Variants in EIF3A observed in about 807,000 individuals in gnomAD.
EIF3A encodes EIF3, p180 subunit.
EIF3A carries 21 observed loss-of-function variants against 186.6 expected under a neutral mutation model. That is an observed-to-expected ratio of 0.11 (90% CI 0.08 to 0.16). EIF3A has a LOEUF of 0.16. EIF3A is among the 10% of genes least tolerant of loss of function. The pLI is 1.00. For missense variants in EIF3A, 1,306 were observed against 1,796.3 expected (o/e 0.73, Z 4.93); for synonymous variants, 563 against 584.3 (o/e 0.96, Z 0.52).
At chr10:119,065,711 T>G in intron 6 of EIF3A, 141 bp from the exon 7 acceptor site, 2 of 602,066 alleles carry the variant, frequency 3.3e-6, no homozygotes, top group Non-Finnish European at 5.9e-6. Context: ...TCATAAATAT[T>G]ATTCCATCAA....
At chr10:119,078,865 G>A (rs1388158896) in intron 1 of EIF3A, among the ~76,000 whole-genome samples, 1 of 152,052 alleles carries the variant, frequency 6.6e-6, no homozygotes, top group East Asian at 1.9e-4. Context: ...GTTCCAAAAA[G>A]AGAAGCGATA....
Position 119,037,222 on chromosome 10 carries a change from G to C in EIF3A, c.3816C>G (p.Asp1272Glu). The C allele has an allele frequency of 1.9e-6, 3 of 1,613,964 alleles. No individual in the cohort carries two copies. Among genetic ancestry groups the C allele is most frequent in the Non-Finnish European group, 1.7e-6 (2 of 1,179,992 alleles). ...SSRRDDRDRD[D>E]RRRERDDRRD... The stretch of plus-strand genomic sequence containing the variant: ...GCCGGTCATCCCTCTCACGGCGACG[G>C]TCATCCCTATCCCTATCGTCCCGGC... Residue 1272 changes from aspartate (D) to glutamate (E), a missense_variant, in exon 21 of 22, where the codon GAC becomes GAG. Around this residue, in one of 8 missense-constraint regions of EIF3A, gnomAD observed 331 missense variants for 365.8 expected, o/e 0.90. Transcript: ENST00000369144.
At chr10:119,072,243 TAAAAA>T (rs68078133) in intron 4 of EIF3A, among the ~76,000 whole-genome samples, 1 of 122,834 alleles carries the variant, frequency 8.1e-6, no homozygotes, top group East Asian at 2.2e-4. Flanking sequence ...TCAAGTTCAC[TAAAAA>T]AAAAAAAAAT....
intron 1 of EIF3A, among the ~76,000 whole-genome samples, chr10:119,074,764 T>A (rs1271619753): frequency 6.6e-6 from 1 of 151,046 alleles, no homozygotes; most frequent in Admixed American, 6.6e-5. Flanking sequence ...AGAAACCAAG[T>A]CTCTACTAAA....
Position 119,072,986 on chromosome 10 carries a change from A to G in EIF3A, c.445T>C (p.Trp149Arg). The change falls in exon 4 of 22, where the codon TGG (tryptophan) becomes CGG (arginine). Residue 149 changes from tryptophan (W) to arginine (R), a missense_variant. Around this residue, in one of 8 missense-constraint regions of EIF3A, gnomAD observed 130 missense variants for 259.3 expected, o/e 0.50. Transcript: ENST00000369144. The stretch of plus-strand genomic sequence containing the variant: ...TAAGACTCCCACAGGAATTTAACCC[A>G]TGGAGTTAAAAGTAATCTGTCAGTA... ...DRTDRLLLTP[W>R]VKFLWESYRQ... is the part of the protein sequence containing the mutation. The G allele has an allele frequency of 6.2e-7, 1 of 1,614,082 alleles. No homozygotes were observed. Among genetic ancestry groups the G allele is most frequent in the Non-Finnish European group, 8.5e-7 (1 of 1,179,928 alleles).
intron 18 of EIF3A, among the ~76,000 whole-genome samples, chr10:119,043,774 G>T (rs1407753905): frequency 1.3e-5 from 2 of 151,678 alleles, no homozygotes; most frequent in East Asian, 3.9e-4. Context: ...ACAAAAAGTA[G>T]CCAGGTGTGG....
chr10:119,065,371 C>G, intron 7 of EIF3A, 28 bp downstream of exon 7: 1 of 1,560,190 alleles, frequency 6.4e-7, no homozygotes, highest in Non-Finnish European at 8.8e-7. Flanking sequence ...CTGCCCAAAG[C>G]TACAAAAATC....
chr10:119,068,061 T>C (rs1175410046), intron 6 of EIF3A, among the ~76,000 whole-genome samples: 1 of 152,192 alleles, frequency 6.6e-6, no homozygotes, highest in African/African-American at 2.4e-5. Flanking sequence ...TCCACCCACC[T>C]TGGCCTCCCG....
At chr10:119,078,630 T>A (rs1483700776) in intron 1 of EIF3A, among the ~76,000 whole-genome samples, 2 of 152,064 alleles carry the variant, frequency 1.3e-5, no homozygotes, top group African/African-American at 4.8e-5. Flanking sequence ...AACGCATGCA[T>A]CCCCATCCAA....
chr10:119,064,131 T>C (rs1260582859), intron 7 of EIF3A, among the ~76,000 whole-genome samples: 1 of 152,236 alleles, frequency 6.6e-6, no homozygotes, highest in Non-Finnish European at 1.5e-5. Context: ...TTTTGTATTA[T>C]ATCTGCTGGG....
chr10:119,052,767 G>A (rs1848376342), intron 14 of EIF3A, among the ~76,000 whole-genome samples: 1 of 152,022 alleles, frequency 6.6e-6, no homozygotes, highest in African/African-American at 2.4e-5. Flanking sequence ...TCATCCATGA[G>A]GCTTGGAATC....
At chr10:119,060,956 T>C (rs1012872653) in intron 8 of EIF3A, 112 bp from the exon 9 acceptor site, 3 of 739,194 alleles carry the variant, frequency 4.1e-6, no homozygotes, top group African/African-American at 1.8e-5. Flanking sequence ...TGCAAAGAAA[T>C]ACAAAATGTA....
chr10:119,041,465 A>T (rs1385119723), intron 19 of EIF3A, among the ~76,000 whole-genome samples: 3 of 152,092 alleles, frequency 2.0e-5, no homozygotes. Flanking sequence ...CTAGCTACTC[A>T]GAAGGCTGAA....
At chr10:119,036,820 G>A (rs1012914121) in intron 21 of EIF3A, among the ~76,000 whole-genome samples, 4 of 152,108 alleles carry the variant, frequency 2.6e-5, no homozygotes, top group Non-Finnish European at 5.9e-5. Context: ...TTTCTACTTT[G>A]TGCTTAATCT....
At chr10:119,065,856 C>T (rs1211331586) in intron 6 of EIF3A, among the ~76,000 whole-genome samples, 1 of 152,202 alleles carries the variant, frequency 6.6e-6, no homozygotes. Flanking sequence ...GTGGCTCACG[C>T]CTGTAATCCC....
At position 119,038,242 on chromosome 10, in the gene EIF3A, G is replaced by C. The variant is rs1406527803; in HGVS notation, c.3724C>G (p.Pro1242Ala). The stretch of plus-strand genomic sequence containing the variant: ...AATTTAATTAGAGCATCACACCTAG[G>C]TCTTCTGAAGCGATCCTCTCGATCC... Reference protein sequence around the residue: ...DVDREDRFRRPRDEGGWRRGP... With the variant: ...DVDREDRFRRARDEGGWRRGP... Residue 1242 changes from proline to alanine, a missense_variant, in exon 20 of 22, where the codon CCT becomes GCT. Coordinates refer to ENST00000369144, the MANE Select transcript of EIF3A (RefSeq NM_003750.4). The C allele has an allele frequency of 6.2e-7, 1 of 1,613,260 alleles. No homozygotes were observed. The highest frequency in any genetic ancestry group is 1.3e-5 in the African/African-American group (1 of 74,958).
chr10:119,068,887 C>T (rs1479736841), intron 6 of EIF3A, among the ~76,000 whole-genome samples: 3 of 142,634 alleles, frequency 2.1e-5, no homozygotes, highest in Admixed American at 7.3e-5. Flanking sequence ...CCAGGAGAAT[C>T]GCTTGAACCC....
chr10:119,063,230 A>G (rs756185174), intron 7 of EIF3A, among the ~76,000 whole-genome samples: 1 of 152,204 alleles, frequency 6.6e-6, no homozygotes, highest in African/African-American at 2.4e-5. Context: ...CCATAAACAG[A>G]AAGTTGAACT....
rs529374681 is a variant in EIF3A, at chr10:119,052,549, G to GT, written c.2197-1229dup. Reference sequence around the variant, plus strand: ...TCCACCATGCCTGGCTAATTTTCCTGTTTTTTTGTAGAGACAGGGTTTCAC... The same window carrying GT: ...TCCACCATGCCTGGCTAATTTTCCTGTTTTTTTTGTAGAGACAGGGTTTCAC... On this transcript the variant is annotated intron_variant, in intron 14 of 21. Transcript: ENST00000369144. Among the ~76,000 whole-genome samples the GT allele has an allele frequency of 1.8e-4, 28 of 151,890 alleles. No homozygotes were observed. In the East Asian group the frequency reaches 2.9e-3, roughly 16 times the overall value.
Sources: gnomAD v4.1 joint callset for allele counts (sites outside exome capture counted in the v4.1 genomes callset) on GRCh38, gnomAD v4.1.1 for gene constraint, gnomAD v4.1.1 regional missense constraint, MANE v1.5 for transcripts, NCBI Gene and HGNC (gene_info 2026-07-23, HGNC 2026-07-21) for gene names.